Variants in SMARCA4 observed in about 807,000 individuals in gnomAD.
The protein encoded by SMARCA4 is SWI/SNF related BAF chromatin remodeling complex subunit ATPase 4.
Under a neutral mutation model 193.9 loss-of-function variants are expected in SMARCA4, and 31 were observed. That is an observed-to-expected ratio of 0.16 (90% CI 0.12 to 0.22). SMARCA4 has a LOEUF of 0.22. Ranked by LOEUF, SMARCA4 falls within the 10% of genes least tolerant of loss-of-function variation. SMARCA4 has a pLI of 1.00. For missense variants in SMARCA4, 1,148 were observed against 2,296.0 expected (o/e 0.50, Z 10.22); for synonymous variants, 942 against 933.1 (o/e 1.01, Z -0.17).
At position 11,014,461 on chromosome 19, in the gene SMARCA4, C is replaced by T. The variant is rs73923300; in HGVS notation, c.2438+1349C>T. 7.8e-4 allele frequency among the ~76,000 whole-genome samples: 119 copies of T among 152,336 alleles called. 1 individual carries two copies. The highest frequency in any genetic ancestry group is 2.6e-3 in the African/African-American group (108 of 41,574). The stretch of plus-strand genomic sequence containing the variant: ...AGGAGCAGGGCGTCCTTGTGCACAG[C>T]GCTGCAGGTAGCTGCACCTCCCCTC... On this transcript the variant is annotated intron_variant, in intron 16 of 34. Coordinates refer to ENST00000344626, the MANE Select transcript of SMARCA4 (RefSeq NM_003072.5).
chr19:10,966,560 C>T (rs1386645931), intron 1 of SMARCA4, among the ~76,000 whole-genome samples: 1 of 151,998 alleles, frequency 6.6e-6, no homozygotes, highest in African/African-American at 2.4e-5. Context: ...TGCACTCCAA[C>T]CTGGGTGACA....
At position 10,989,865 on chromosome 19, in the gene SMARCA4, T is replaced by G. The variant is rs2145859227; in HGVS notation, c.1245+422T>G. Among the ~76,000 whole-genome samples, 5 of 152,050 alleles carry G rather than the reference T, an allele frequency of 3.3e-5. 1 individual carries two copies. Among genetic ancestry groups the G allele is most frequent in the Admixed American group, 3.3e-4 (5 of 15,266 alleles). On this transcript the variant is annotated intron_variant, in intron 7 of 34. Transcript: ENST00000344626. ...TACAAGCGTGTGCCACCATGCCTAA[T>G]TTTTATATTTTTAGTAGAGACAGGG...
In SMARCA4 at chr19:10,987,380, T is replaced by G. The variant is rs1906680780; in HGVS notation, c.860-286T>G. On this transcript the variant is annotated intron_variant, in intron 5 of 34. Coordinates refer to ENST00000344626, the MANE Select transcript of SMARCA4 (RefSeq NM_003072.5). This position sits in a 1 kb window ranked among gnomAD's most constrained non-coding sequence, Gnocchi z 5.3. ...TGCTTCCACTGGATTTAGTTGGCAC[T>G]AGGAGGAGATGACAGGAAATGCTGC... Among the ~76,000 whole-genome samples, 1 of 152,098 alleles carries G rather than the reference T, an allele frequency of 6.6e-6. No homozygotes were observed. Among genetic ancestry groups the G allele is most frequent in the Non-Finnish European group, 1.5e-5 (1 of 68,010 alleles).
intron 30 of SMARCA4, among the ~76,000 whole-genome samples, chr19:11,045,043 G>A (rs900924623): frequency 4.6e-5 from 7 of 152,334 alleles, no homozygotes; most frequent in African/African-American, 1.4e-4. Flanking sequence ...CATACTGGCC[G>A]GGCACGGTGG....
chr19:10,986,662 C>T lies in SMARCA4; in HGVS notation c.760+69C>T, dbSNP rs1478212147. On this transcript the variant is annotated intron_variant, in intron 4 of 34. Transcript: ENST00000344626. This position sits in a 1 kb window ranked among gnomAD's most constrained non-coding sequence, Gnocchi z 6.7. ...GCTGGGGCGTGGGTGGCGGGGTGGA[C>T]AGACCGTGCTCTGTTGCCGACTGGG... 10 of 1,532,332 alleles carry T rather than the reference C, an allele frequency of 6.5e-6. No homozygotes were observed. The highest frequency in any genetic ancestry group is 7.9e-6 in the Non-Finnish European group (9 of 1,145,542). 94.9% of individuals were successfully genotyped at this position (1,532,332 alleles called of 1,614,324 possible). A position where few individuals can be genotyped will look rare whatever the true frequency, so the allele number is the denominator to read the frequency against.
At chr19:11,039,594 C>CAACACTGGGG (rs1343390528) in intron 29 of SMARCA4, 2 of 1,254,970 alleles carry the variant, frequency 1.6e-6, no homozygotes, top group Non-Finnish European at 2.2e-6. Context: ...GAGGGCTGCA[C>CAACACTGGGG]AACACTGGGG....
intron 1 of SMARCA4, among the ~76,000 whole-genome samples, chr19:10,962,692 G>A (rs1243685586): frequency 8.5e-5 from 13 of 152,048 alleles, no homozygotes; most frequent in African/African-American, 2.4e-5. Context: ...ACAGGCGCCC[G>A]CCACCACGCC....
intron 22 of SMARCA4, 132 bp downstream of exon 22, chr19:11,025,640 T>A: frequency 1.4e-6 from 1 of 709,396 alleles, no homozygotes; most frequent in Admixed American, 2.0e-5. Flanking sequence ...TACATCTGTC[T>A]CTCATTTGGT....
At position 10,986,771 on chromosome 19, in the gene SMARCA4, T is replaced by A; in HGVS notation, c.761-134T>A. 8.3e-7 allele frequency: 1 copy of A among 1,200,786 alleles called. No individual in the cohort carries two copies. The highest frequency in any genetic ancestry group is 1.9e-5 in the Admixed American group (1 of 52,442). The allele number at this position is 1,200,786 out of a possible 1,614,324, so 74.4% of individuals were successfully genotyped here. A position where few individuals can be genotyped will look rare whatever the true frequency, so the allele number is the denominator to read the frequency against. On this transcript the variant is annotated intron_variant, in intron 4 of 34. Transcript: ENST00000344626. This position sits in a 1 kb window ranked among gnomAD's most constrained non-coding sequence, Gnocchi z 6.7. The stretch of plus-strand genomic sequence containing the variant: ...GGCAGCTAAATGCTGCTTCCCCAGC[T>A]CCCCGCTTCCCCTGGGGCCGCTGGT...
rs2090030962 is a variant in SMARCA4, at chr19:11,023,635, A to G, written c.2973+4A>G. 6.3e-7 allele frequency: 1 copy of G among 1,592,736 alleles called. No individual in the cohort carries two copies. Among genetic ancestry groups the G allele is most frequent in the Non-Finnish European group, 8.6e-7 (1 of 1,164,566 alleles). ...CGAGGCCCAGTTGCCCGAAAAGGTG[A>G]TGGAGTTTTGAGGGGAGCCACCAGT... On this transcript the variant is annotated splice_donor_region_variant and intron_variant, in intron 20 of 34. Coordinates refer to ENST00000344626, the MANE Select transcript of SMARCA4 (RefSeq NM_003072.5).
chr19:10,975,091 C>T (rs1381060478), intron 1 of SMARCA4, among the ~76,000 whole-genome samples: 3 of 141,572 alleles, frequency 2.1e-5, no homozygotes, highest in Non-Finnish European at 4.5e-5. Context: ...GATCTTGGCT[C>T]ACTGCAACCT....
At chr19:10,962,663 C>T (rs2083900199) in intron 1 of SMARCA4, among the ~76,000 whole-genome samples, 1 of 152,136 alleles carries the variant, frequency 6.6e-6, no homozygotes, top group South Asian at 2.1e-4. Context: ...CTGCCTCAGC[C>T]TCCTGAGTAG....
At chr19:10,982,406 G>A (rs992473658) in intron 1 of SMARCA4, among the ~76,000 whole-genome samples, 43 of 152,176 alleles carry the variant, frequency 2.8e-4, no homozygotes, top group Admixed American at 2.0e-4. Flanking sequence ...CCTGGGAGGC[G>A]GAGGTTGCCG....
At chr19:11,049,143 G>A (rs2076113011) in intron 30 of SMARCA4, among the ~76,000 whole-genome samples, 1 of 152,166 alleles carries the variant, frequency 6.6e-6, no homozygotes, top group Non-Finnish European at 1.5e-5. Context: ...GTGTCCACTG[G>A]GAGGAGAGGG....
At chr19:11,016,823 ATTTTGAGGACT>A (rs2089409874) in intron 16 of SMARCA4, among the ~76,000 whole-genome samples, 1 of 151,978 alleles carries the variant, frequency 6.6e-6, no homozygotes, top group Non-Finnish European at 1.5e-5. Context: ...CATCGGGTGA[ATTTTGAGGACT>A]TTCTTGCTTT....
rs767638396 is a variant in SMARCA4, at chr19:10,985,285, A to G, written c.235A>G (p.Met79Val). Residue 79 changes from methionine to valine, a missense_variant, in exon 3 of 35, where the codon ATG (methionine) becomes GTG (valine). Met to Val is a conservative substitution (Grantham distance 21). Transcript: ENST00000344626. This position sits in a 1 kb window ranked among gnomAD's most constrained non-coding sequence, Gnocchi z 4.5. ...GTCCCTCTCGCAGCCCATGGAGTCCATGCATGAGAAGGGCATGTCGGACGA... is the reference window on the plus strand; with the variant it reads ...GTCCCTCTCGCAGCCCATGGAGTCCGTGCATGAGAAGGGCATGTCGGACGA... ...MHQMHKPMES[M>V]HEKGMSDDPR... 4.1e-5 allele frequency: 66 copies of G among 1,613,748 alleles called. No individual in the cohort carries two copies. The highest frequency in any genetic ancestry group is 6.7e-5 in the East Asian group (3 of 44,840).
intron 1 of SMARCA4, among the ~76,000 whole-genome samples, chr19:10,969,500 G>A (rs1026861686): frequency 1.1e-4 from 16 of 151,544 alleles, no homozygotes; most frequent in Non-Finnish European, 8.8e-5. Context: ...GCGGGGTCTC[G>A]GCTCACTGAA....
At chr19:11,018,740 A>G (rs1371427898) in intron 16 of SMARCA4, 3 of 653,130 alleles carry the variant, frequency 4.6e-6, no homozygotes, top group Non-Finnish European at 8.4e-6. Context: ...CTCTTTTCCC[A>G]GTGGCCTCCC....
chr19:11,043,527 G>T (rs1475610531), intron 30 of SMARCA4, among the ~76,000 whole-genome samples: 4 of 151,868 alleles, frequency 2.6e-5, no homozygotes, highest in Non-Finnish European at 4.4e-5. Flanking sequence ...AGTAGCACAT[G>T]CCTGGGGTCC....
Sources: gnomAD v4.1 joint callset for allele counts (sites outside exome capture counted in the v4.1 genomes callset) on GRCh38, gnomAD v4.1.1 for gene constraint, Gnocchi (gnomAD v3.1) non-coding constraint, MANE v1.5 for transcripts, NCBI Gene and HGNC (gene_info 2026-07-23, HGNC 2026-07-21) for gene names.